Variants in CIITA observed in about 807,000 individuals in gnomAD.
CIITA encodes the protein class II major histocompatibility complex transactivator, also known as MHC class II transactivator.
In CIITA, 72 loss-of-function variants were observed where a neutral mutation model predicts 115.1. That is an observed-to-expected ratio of 0.63 (90% CI 0.52 to 0.76). The LOEUF (loss-of-function observed/expected upper bound fraction) is 0.76, where lower values mean the gene tolerates loss of function less well. Among genes scored for constraint, CIITA ranks in the 30% least tolerant of loss-of-function variants. The pLI, the probability that CIITA is intolerant of heterozygous loss-of-function variation, is 0.00. For synonymous variants in CIITA, 763 were observed against 635.6 expected, an observed-to-expected ratio of 1.20 and a Z score of -3.02; for missense variants, 1,617 against 1,463.8, an observed-to-expected ratio of 1.10 and a Z score of -1.71.
intron 1 of CIITA, among the ~76,000 whole-genome samples, chr16:10,887,333 C>T (rs547471552): frequency 6.6e-6 from 1 of 152,288 alleles, no homozygotes; most frequent in Admixed American, 6.5e-5. Context: ...GGGGCTCCAA[C>T]ACTCGTTGAA....
intron 9 of CIITA, 40 bp from the exon 10 acceptor site, chr16:10,904,704 A>G: frequency 7.4e-6 from 12 of 1,610,768 alleles, no homozygotes; most frequent in Non-Finnish European, 1.0e-5. Context: ...CCCAGGGGTA[A>G]CCCTCACCCT....
intron 2 of CIITA, 100 bp downstream of exon 2, chr16:10,895,528 G>C (rs2038039340): frequency 6.3e-7 from 1 of 1,576,836 alleles, no homozygotes. Flanking sequence ...CCTCCCGTCA[G>C]CACCACGGAC....
At chr16:10,874,803 C>G (rs1020204323), upstream of CIITA, among the ~76,000 whole-genome samples, 1 of 152,130 alleles carries the variant, frequency 6.6e-6, no homozygotes, top group African/African-American at 2.4e-5. Flanking sequence ...AGTTCCAAAG[C>G]TGCCTTGGCC....
rs1005716441 is a variant in CIITA, at chr16:10,924,790, G to C, written c.*935G>C. ...TGGGACACTAATGGGGCGGTGAGAGGGGAACAGACTGGAAGCACAGCTTCA... is the reference window on the plus strand; with the variant it reads ...TGGGACACTAATGGGGCGGTGAGAGCGGAACAGACTGGAAGCACAGCTTCA... On this transcript the variant is annotated 3_prime_UTR_variant, in exon 20 of 20. Coordinates refer to ENST00000324288, the MANE Select transcript of CIITA (RefSeq NM_000246.4). 1 of 152,290 alleles carries C rather than the reference G, an allele frequency of 6.6e-6. No individual in the cohort carries two copies. The highest frequency in any genetic ancestry group is 1.5e-5 in the Non-Finnish European group (1 of 68,064). The allele number at this position is 152,290 out of a possible 1,614,324, so 9.4% of individuals were successfully genotyped here. A position where few individuals can be genotyped will look rare whatever the true frequency, so the allele number is the denominator to read the frequency against.
At chr16:10,872,479 G>C (rs892489280), upstream of CIITA, among the ~76,000 whole-genome samples, 4 of 152,140 alleles carry the variant, frequency 2.6e-5, no homozygotes, top group African/African-American at 7.2e-5. Context: ...TATATCTACT[G>C]TCTACATACT....
At chr16:10,896,347 G>A (rs981660813) in intron 3 of CIITA, among the ~76,000 whole-genome samples, 3 of 152,178 alleles carry the variant, frequency 2.0e-5, no homozygotes, top group Non-Finnish European at 2.9e-5. Flanking sequence ...GGTCTTTCTC[G>A]TTTCAAAGTC....
Position 10,929,800 on chromosome 16 carries a change from G to C in CIITA, c.*5945G>C, listed in dbSNP as rs2040699551. ...AATTTCTCAGAGACCCTGGGCTGGAGAACCAGTGCAATGTCACACGGGAGA... is the reference window on the plus strand; with the variant it reads ...AATTTCTCAGAGACCCTGGGCTGGACAACCAGTGCAATGTCACACGGGAGA... On this transcript the variant is annotated 3_prime_UTR_variant, in exon 20 of 20. Coordinates refer to ENST00000324288, the MANE Select transcript of CIITA (RefSeq NM_000246.4). This position sits in a 1 kb window ranked among gnomAD's most constrained non-coding sequence, Gnocchi z 4.3. 1 of 154,282 alleles carries C rather than the reference G, an allele frequency of 6.5e-6. No homozygotes were observed. Among genetic ancestry groups the C allele is most frequent in the Non-Finnish European group, 1.4e-5 (1 of 69,926 alleles). 9.6% of individuals were successfully genotyped at this position (154,282 alleles called of 1,614,324 possible).
chr16:10,918,562 C>T, intron 16 of CIITA, 36 bp downstream of exon 16: 2 of 1,588,292 alleles, frequency 1.3e-6, no homozygotes, highest in South Asian at 2.2e-5. Flanking sequence ...AGGTGCTGAG[C>T]TGGGGGGCTG....
chr16:10,893,801 T>C (rs1415742796), intron 1 of CIITA, among the ~76,000 whole-genome samples: 1 of 39,562 alleles, frequency 2.5e-5, no homozygotes, highest in African/African-American at 1.0e-4. Context: ...AGAGACTCCG[T>C]CTTAAAAAAA....
chr16:10,916,328 G>C (rs775727529), intron 14 of CIITA, 39 bp from the exon 15 acceptor site: 2 of 1,597,844 alleles, frequency 1.3e-6, no homozygotes, highest in East Asian at 2.2e-5. Context: ...GATGGCCCCA[G>C]GACGCTAGCT....
In CIITA at chr16:10,929,605, C is replaced by T. The variant is rs2040689665; in HGVS notation, c.*5750C>T. 12 of 980,586 alleles carry T rather than the reference C, an allele frequency of 1.2e-5. No individual in the cohort carries two copies. Among genetic ancestry groups the T allele is most frequent in the Non-Finnish European group, 1.5e-5 (12 of 825,652 alleles). The allele number at this position is 980,586 out of a possible 1,614,324, so 60.7% of individuals were successfully genotyped here. On this transcript the variant is annotated 3_prime_UTR_variant, in exon 20 of 20. Coordinates refer to ENST00000324288, the MANE Select transcript of CIITA (RefSeq NM_000246.4). This position sits in a 1 kb window ranked among gnomAD's most constrained non-coding sequence, Gnocchi z 4.3. ...GGGTTATTAGCACGGAAGCCCCACCCTGCCACCAGGTTGGCTGGGGACAGG... is the reference window on the plus strand; with the variant it reads ...GGGTTATTAGCACGGAAGCCCCACCTTGCCACCAGGTTGGCTGGGGACAGG...
chr16:10,915,621 CA>C lies in CIITA; in HGVS notation c.2941del (p.Thr981ArgfsTer14). On this transcript the variant is annotated frameshift_variant, in exon 14 of 20. Coordinates refer to ENST00000324288, the MANE Select transcript of CIITA (RefSeq NM_000246.4). LOFTEE classifies it high-confidence loss of function. ...QAFPKLVRILTAFSSLQHLDL... is the reference protein window; with the variant it reads ...QAFPKLVRILXAFSSLQHLDL... ...CTTTCCCCAAACTGGTGCGGATCCT[CA>C]CGGCCTTTTCCTCCCTGCAGCATCT... 6.2e-7 allele frequency: 1 copy of C among 1,614,184 alleles called. No individual in the cohort carries two copies. Among genetic ancestry groups the C allele is most frequent in the Non-Finnish European group, 8.5e-7 (1 of 1,180,022 alleles).
At chr16:10,922,141 C>T in intron 16 of CIITA, 26 bp from the exon 17 acceptor site, 1 of 1,609,380 alleles carries the variant, frequency 6.2e-7, no homozygotes, top group Non-Finnish European at 8.5e-7. Flanking sequence ...CCTCCAATCC[C>T]TCCCCCTGGC....
In CIITA at chr16:10,928,935, C is replaced by G. The variant is rs1475940316; in HGVS notation, c.*5080C>G. On this transcript the variant is annotated 3_prime_UTR_variant, in exon 20 of 20. Coordinates refer to ENST00000324288, the MANE Select transcript of CIITA (RefSeq NM_000246.4). ...TTTTTAATCCAAAGAAGTAAGCCTC[C>G]TAAGTATTGCTTAGACAGGTTTATC... 6.5e-6 allele frequency: 1 copy of G among 152,822 alleles called. No homozygotes were observed. Among genetic ancestry groups the G allele is most frequent in the African/African-American group, 2.4e-5 (1 of 41,412 alleles). The allele number at this position is 152,822 out of a possible 1,614,324, so 9.5% of individuals were successfully genotyped here.
Position 10,906,680 on chromosome 16 carries a change from C to A in CIITA, c.1188C>A (p.Gly396=), listed in dbSNP as rs763224509. 1.2e-6 allele frequency: 2 copies of A among 1,613,162 alleles called. No homozygotes were observed. The highest frequency in any genetic ancestry group is 1.7e-6 in the Non-Finnish European group (2 of 1,179,976). The change falls in exon 11 of 20, where the codon GGC becomes GGA. Residue 396 remains glycine, a synonymous_variant. Transcript: ENST00000324288. ...DWAERQLAQG[G]LAEVLLAAKE... ...CAGAACGGCAGCTGGCCCAAGGAGG[C>A]CTGGCTGAGGTGCTGTTGGCTGCCA...
rs559115865 is a variant in CIITA, at chr16:10,878,059, G to A, written c.52+677G>A. 1.8e-4 allele frequency among the ~76,000 whole-genome samples: 28 copies of A among 152,292 alleles called. No individual in the cohort carries two copies. In the East Asian group the frequency reaches 5.2e-3, roughly 28 times the overall value. Reference sequence around the variant, plus strand: ...TCCTGGAGTGTACAATGGACCTGTGGGAAAGCCTGTATGAAAGGGTAATGA... The same window carrying A: ...TCCTGGAGTGTACAATGGACCTGTGAGAAAGCCTGTATGAAAGGGTAATGA... On this transcript the variant is annotated intron_variant, in intron 1 of 19. Coordinates refer to ENST00000324288, the MANE Select transcript of CIITA (RefSeq NM_000246.4).
At position 10,916,414 on chromosome 16, in the gene CIITA, A is replaced by T. The variant is rs755871454; in HGVS notation, c.3017A>T (p.Gln1006Leu). 1 of 1,613,650 alleles carries T rather than the reference A, an allele frequency of 6.2e-7. No homozygotes were observed. Among genetic ancestry groups the T allele is most frequent in the Admixed American group, 1.7e-5 (1 of 59,994 alleles). ...AAGATCGGGGACGAGGGTGTCTCGC[A>T]GCTCTCAGCCACCTTCCCCCAGCTG... Reference protein sequence around the residue: ...ENKIGDEGVSQLSATFPQLKS... With the variant: ...ENKIGDEGVSLLSATFPQLKS... The change falls in exon 15 of 20, where the codon CAG (glutamine) becomes CTG (leucine). Residue 1006 changes from glutamine to leucine, a missense_variant. Physicochemically the swap from Gln to Leu is moderately radical, Grantham distance 113. Coordinates refer to ENST00000324288, the MANE Select transcript of CIITA (RefSeq NM_000246.4).
intron 1 of CIITA, among the ~76,000 whole-genome samples, chr16:10,885,552 G>C (rs764677976): frequency 1.3e-5 from 2 of 152,154 alleles, no homozygotes. Context: ...TTTCTCTTAA[G>C]TCCTCTCTCT....
Position 10,936,002 on chromosome 16 carries a change from TC to T in CIITA, c.*12148del, listed in dbSNP as rs1185538095. ...CTACTGGGACAATTTTTTTTTTTTT[TC>T]GTTTTGAGACAGGGTCTCGCTCAGT... On this transcript the variant is annotated 3_prime_UTR_variant, in exon 20 of 20. Coordinates refer to ENST00000324288, the MANE Select transcript of CIITA (RefSeq NM_000246.4). The T allele has an allele frequency of 2.0e-5, 3 of 151,212 alleles. No homozygotes were observed. Among genetic ancestry groups the T allele is most frequent in the African/African-American group, 7.3e-5 (3 of 40,950 alleles). The allele number at this position is 151,212 out of a possible 1,614,324, so 9.4% of individuals were successfully genotyped here. A position where few individuals can be genotyped will look rare whatever the true frequency, so the allele number is the denominator to read the frequency against.
Sources: allele counts gnomAD v4.1 joint callset (sites outside exome capture counted in the v4.1 genomes callset), GRCh38; gene constraint gnomAD v4.1.1; non-coding constraint Gnocchi (gnomAD v3.1); transcripts MANE v1.5; gene names NCBI Gene and HGNC (gene_info 2026-07-23, HGNC 2026-07-21).